CLSTN2: variants seen among roughly 807,000 people sequenced by gnomAD.
The protein encoded by CLSTN2 is calsyntenin-2.
CLSTN2 carries 48 observed loss-of-function variants against 101.2 expected under a neutral mutation model. The ratio of observed to expected loss-of-function variants is 0.47; its 90% CI spans 0.38 to 0.60. The LOEUF is 0.60. Among genes scored for constraint, CLSTN2 ranks in the 20% least tolerant of loss-of-function variants. The pLI, the probability that CLSTN2 is intolerant of heterozygous loss-of-function variation, is 0.00. For missense variants in CLSTN2, 1,160 were observed against 1,238.2 expected (o/e 0.94, Z 0.95); for synonymous variants, 481 against 463.6 (o/e 1.04, Z -0.48).
At chr3:140,315,346 A>G (rs1416365506) in intron 2 of CLSTN2, among the ~76,000 whole-genome samples, 1 of 152,230 alleles carries the variant, frequency 6.6e-6, no homozygotes, top group African/African-American at 2.4e-5. Flanking sequence ...GGAAAGGTGT[A>G]TGCCAAGAGG....
At chr3:140,550,192 T>C (rs1052613288) in intron 10 of CLSTN2, among the ~76,000 whole-genome samples, 3 of 151,622 alleles carry the variant, frequency 2.0e-5, no homozygotes, top group Non-Finnish European at 4.4e-5. Flanking sequence ...TAACCATGTT[T>C]AGGTGTTTAC....
chr3:140,148,345 T>C (rs2009812663), intron 1 of CLSTN2, among the ~76,000 whole-genome samples: 1 of 152,232 alleles, frequency 6.6e-6, no homozygotes, highest in Non-Finnish European at 1.5e-5. Flanking sequence ...TAATTGCTAA[T>C]GACATTGAGT....
At chr3:140,209,479 G>A (rs902987562) in intron 2 of CLSTN2, among the ~76,000 whole-genome samples, 53 of 152,270 alleles carry the variant, frequency 3.5e-4, no homozygotes, top group African/African-American at 1.3e-3. Context: ...TCTCAATTCT[G>A]GAAGTAGGTT....
intron 2 of CLSTN2, among the ~76,000 whole-genome samples, chr3:140,371,134 A>T (rs1015594021): frequency 6.6e-6 from 1 of 152,212 alleles, no homozygotes; most frequent in South Asian, 2.1e-4. Flanking sequence ...TTCCCCTGGT[A>T]CTGAAGCTGC....
rs1455660026 is a variant in CLSTN2 at position 140,567,908 on chromosome 3, T to C, written c.*1655T>C. 1 of 152,258 alleles carries C rather than the reference T, an allele frequency of 6.6e-6. No homozygotes were observed. Among genetic ancestry groups the C allele is most frequent in the Non-Finnish European group, 1.5e-5 (1 of 68,050 alleles). 9.4% of individuals were successfully genotyped at this position (152,258 alleles called of 1,614,324 possible). Reference sequence around the variant, plus strand: ...CCCAGGGAGGACCCATGGCAGGTCTTTTCAACTTTCTGATTCATGAGAACA... The same window carrying C: ...CCCAGGGAGGACCCATGGCAGGTCTCTTCAACTTTCTGATTCATGAGAACA... On this transcript the variant is annotated 3_prime_UTR_variant, in exon 17 of 17. Coordinates refer to ENST00000458420, the MANE Select transcript of CLSTN2 (RefSeq NM_022131.3).
intron 8 of CLSTN2, among the ~76,000 whole-genome samples, chr3:140,490,115 TATACACACACACACACACACACACACAC>T (rs1934323080): frequency 3.9e-4 from 3 of 7,748 alleles, no homozygotes; most frequent in African/African-American, 1.9e-3. Context: ...TATATATATA[TATACACACACACACACACACACACACAC>T]ACACACACAC....
At chr3:140,398,550 G>T (rs1228311052) in intron 2 of CLSTN2, among the ~76,000 whole-genome samples, 22 of 152,150 alleles carry the variant, frequency 1.4e-4, no homozygotes, top group Admixed American at 1.4e-3. Flanking sequence ...TCTTGGGGAT[G>T]CCAGACTGAC....
chr3:140,037,201 A>G (rs2007671530), intron 1 of CLSTN2, among the ~76,000 whole-genome samples: 1 of 152,220 alleles, frequency 6.6e-6, no homozygotes, highest in African/African-American at 2.4e-5. Context: ...ATGCATAAAA[A>G]CACAGAACAT....
chr3:140,012,781 G>A (rs956427010), intron 1 of CLSTN2, among the ~76,000 whole-genome samples: 4 of 152,344 alleles, frequency 2.6e-5, no homozygotes, highest in Middle Eastern at 3.4e-3. Context: ...AAGCCTGGGT[G>A]CCTGAGGCAT....
intron 1 of CLSTN2, among the ~76,000 whole-genome samples, chr3:140,128,163 A>G (rs1215055118): frequency 6.6e-6 from 1 of 152,226 alleles, no homozygotes; most frequent in Non-Finnish European, 1.5e-5. Flanking sequence ...ATTTCCTAAG[A>G]GACCCCATGT....
At chr3:140,062,686 C>T (rs770179860) in intron 1 of CLSTN2, among the ~76,000 whole-genome samples, 20 of 152,172 alleles carry the variant, frequency 1.3e-4, no homozygotes, top group Non-Finnish European at 2.6e-4. Context: ...GACTACTGTA[C>T]CCCTGTGTTT....
intron 1 of CLSTN2, among the ~76,000 whole-genome samples, chr3:140,119,153 G>A (rs2009297400): frequency 6.6e-6 from 1 of 152,184 alleles, no homozygotes; most frequent in African/African-American, 2.4e-5. Flanking sequence ...TCATGATCAT[G>A]TTCCTTCCTC....
At chr3:140,101,034 A>AAGGCTGTAGAGAC (rs551118609) in intron 1 of CLSTN2, among the ~76,000 whole-genome samples, 238 of 152,272 alleles carry the variant, frequency 1.6e-3, no homozygotes, top group Non-Finnish European at 2.4e-3. Context: ...GGAAAGAAGC[A>AAGGCTGTAGAGAC]CCTGGTACAC....
chr3:139,998,792 G>A (rs2006750124), intron 1 of CLSTN2, among the ~76,000 whole-genome samples: 1 of 152,078 alleles, frequency 6.6e-6, no homozygotes, highest in South Asian at 2.1e-4. Context: ...CTCACCACCT[G>A]CTCTGGCCCA....
chr3:140,071,816 G>A (rs1576416966), intron 1 of CLSTN2, among the ~76,000 whole-genome samples: 1 of 138,994 alleles, frequency 7.2e-6, no homozygotes, highest in Non-Finnish European at 1.5e-5. Flanking sequence ...GGGGGACAGA[G>A]TGAGACTCCG....
chr3:139,969,788 A>G (rs1197463775), intron 1 of CLSTN2, among the ~76,000 whole-genome samples: 1 of 152,116 alleles, frequency 6.6e-6, no homozygotes, highest in African/African-American at 2.4e-5. Flanking sequence ...TCCAAAAGCA[A>G]CCATCACCCA....
chr3:140,113,362 A>G (rs536578524), intron 1 of CLSTN2, among the ~76,000 whole-genome samples: 7 of 152,062 alleles, frequency 4.6e-5, no homozygotes, highest in African/African-American at 1.2e-4. Flanking sequence ...GCAGACCCCA[A>G]CTCGCTCTCT....
intron 5 of CLSTN2, among the ~76,000 whole-genome samples, chr3:140,433,340 C>T (rs554853551): frequency 3.1e-4 from 47 of 152,314 alleles, no homozygotes; most frequent in Middle Eastern, 3.4e-3. Flanking sequence ...GATGACCTCT[C>T]AGGCACCATA....
chr3:140,066,547 A>G (rs2350487), intron 1 of CLSTN2, among the ~76,000 whole-genome samples: 63,450 of 152,056 alleles, frequency 0.42, 15,478 homozygotes, highest in African/African-American at 0.66. Context: ...AGGGCTGAAA[A>G]TACCAAACCT....
Sources: gnomAD v4.1 joint callset for allele counts (sites outside exome capture counted in the v4.1 genomes callset) on GRCh38, gnomAD v4.1.1 for gene constraint, MANE v1.5 for transcripts, NCBI Gene and HGNC (gene_info 2026-07-23, HGNC 2026-07-21) for gene names.